MACF1: variants seen among roughly 807,000 people sequenced by gnomAD.
MACF1 encodes the protein microtubule-actin cross-linking factor 1.
In MACF1, 193 loss-of-function variants were observed where a neutral mutation model predicts 854.8. The ratio of observed to expected loss-of-function variants is 0.23; its 90% confidence interval spans 0.20 to 0.25. MACF1 has a LOEUF of 0.25. Ranked by LOEUF, MACF1 falls within the 10% of genes least tolerant of loss-of-function variation. MACF1 has a pLI of 1.00. For synonymous variants in MACF1, 3,185 were observed against 3,226.7 expected (o/e 0.99, Z 0.44); for missense variants, 7,722 against 8,929.1 (o/e 0.86, Z 5.45).
At position 39,332,439 on chromosome 1, in the gene MACF1, A is replaced by C; in HGVS notation, c.5851A>C (p.Ser1951Arg). ...AGCAGCAGTTCTACCGTGCAGCAAG[A>C]GCCACCCTAAGGCCACAGCAAGCCA... The part of the protein sequence containing the change: ...PGAAVLPCSK[S>R]HPKATASQSE... Residue 1951 changes from serine (S) to arginine (R), a missense_variant, in exon 37 of 101, where the codon AGC becomes CGC. Physicochemically the swap from Ser to Arg is moderately radical, Grantham distance 110. This residue lies in a region of MACF1 where 1,531 missense variants were observed against 1,601.6 expected (regional missense o/e 0.96). Transcript: ENST00000564288. The C allele has an allele frequency of 6.2e-7, 1 of 1,614,066 alleles. No homozygotes were observed. The highest frequency in any genetic ancestry group is 8.5e-7 in the Non-Finnish European group (1 of 1,180,016).
At chr1:39,197,471 A>G (rs1228418763) in intron 2 of MACF1, among the ~76,000 whole-genome samples, 2 of 152,156 alleles carry the variant, frequency 1.3e-5, no homozygotes, top group South Asian at 2.1e-4. Flanking sequence ...ATGGTATATG[A>G]TTTTCTAATT....
At chr1:39,096,810 G>T (rs1641949237) in intron 2 of MACF1, among the ~76,000 whole-genome samples, 1 of 150,904 alleles carries the variant, frequency 6.6e-6, no homozygotes, top group Non-Finnish European at 1.5e-5. Context: ...CTGCTTCAGA[G>T]TCCATGTCTG....
chr1:39,215,913 C>T (rs1644572476), intron 1 of MACF1, among the ~76,000 whole-genome samples: 1 of 152,120 alleles, frequency 6.6e-6, no homozygotes, highest in South Asian at 2.1e-4. Flanking sequence ...GAGAAAAAGA[C>T]TCAAAGATGA....
chr1:39,260,416 G>GTGCA (rs1219848102), intron 6 of MACF1: 2 of 150,534 alleles, frequency 1.3e-5, no homozygotes, highest in Non-Finnish European at 2.9e-5. Flanking sequence ...ACAGGCTGGA[G>GTGCA]TGCAATGGCA....
chr1:39,176,673 C>CAGGTTTTTAGATCAAT (rs57812750), intron 2 of MACF1, among the ~76,000 whole-genome samples: 1 of 152,128 alleles, frequency 6.6e-6, no homozygotes, highest in African/African-American at 2.4e-5. Context: ...GTTTAATAGT[C>CAGGTTTTTAGATCAAT]AGGTTTTTAG....
At chr1:39,252,026 A>C (rs1286852706) in intron 4 of MACF1, 85 bp downstream of exon 4, 4 of 884,420 alleles carry the variant, frequency 4.5e-6, no homozygotes, top group African/African-American at 3.5e-5. Context: ...CCAGGTCTCG[A>C]AGTAGTTCAG....
At chr1:39,298,386 G>A (rs564158104) in intron 21 of MACF1, among the ~76,000 whole-genome samples, 29 of 152,194 alleles carry the variant, frequency 1.9e-4, no homozygotes, top group African/African-American at 7.0e-4. Flanking sequence ...AGGAGTGCTG[G>A]TAATTAAATT....
chr1:39,445,048 T>G (rs1221341123), intron 80 of MACF1, among the ~76,000 whole-genome samples: 1 of 152,364 alleles, frequency 6.6e-6, no homozygotes, highest in East Asian at 1.9e-4. Flanking sequence ...AAGACATTAC[T>G]GCCATTATCG....
intron 97 of MACF1, 38 bp from the exon 98 acceptor site, chr1:39,479,757 TAGA>T (rs1644980946): frequency 1.3e-6 from 2 of 1,572,200 alleles, no homozygotes; most frequent in Non-Finnish European, 1.7e-6. Flanking sequence ...ATATATTTTT[TAGA>T]AGAACTGACA....
intron 61 of MACF1, 104 bp downstream of exon 61, chr1:39,424,298 G>A: frequency 1.1e-6 from 1 of 878,912 alleles, no homozygotes; most frequent in South Asian, 2.2e-5. Flanking sequence ...ATTTTTGGAA[G>A]GTGTTTAATG....
chr1:39,275,034 TC>T (rs1334830509), intron 6 of MACF1, among the ~76,000 whole-genome samples: 1 of 151,102 alleles, frequency 6.6e-6, no homozygotes, highest in African/African-American at 2.4e-5. Context: ...ATAAGAAGAC[TC>T]CTTTTTACTA....
rs1645640883 is a variant in MACF1, at chr1:39,286,335, G to A, written c.1508+577G>A. On this transcript the variant is annotated intron_variant, in intron 14 of 100. Transcript: ENST00000564288. ...GGCCCATTCTCATATATTTTAGAAC[G>A]ACCTGCAGGGTTGGGACACAACACA... Among the ~76,000 whole-genome samples, 4 of 152,094 alleles carry A rather than the reference G, an allele frequency of 2.6e-5. No homozygotes were observed. In the South Asian group the frequency reaches 8.3e-4, roughly 32 times the overall value.
intron 2 of MACF1, among the ~76,000 whole-genome samples, chr1:39,189,084 G>T (rs754006680): frequency 1.3e-5 from 2 of 152,166 alleles, no homozygotes; most frequent in Non-Finnish European, 2.9e-5. Context: ...GAGACACCTG[G>T]CTCCTGACCT....
intron 30 of MACF1, among the ~76,000 whole-genome samples, chr1:39,318,995 A>G (rs1306905904): frequency 6.8e-6 from 1 of 147,572 alleles, no homozygotes; most frequent in East Asian, 2.0e-4. Flanking sequence ...TATTTTAAGC[A>G]TTTTTTTTTT....
In MACF1 at chr1:39,433,151, T is replaced by C. The variant is rs1643902280; in HGVS notation, c.17561T>C (p.Leu5854Ser). The C allele has an allele frequency of 2.6e-6, 4 of 1,562,168 alleles. No homozygotes were observed. The highest frequency in any genetic ancestry group is 1.7e-5 in the Admixed American group (1 of 58,408). The change falls in exon 68 of 101, where the codon TTA becomes TCA. Residue 5854 changes from leucine (L) to serine (S), a missense_variant. Leu to Ser is a moderately radical substitution (Grantham distance 145, BLOSUM62 -2). Around this residue, in one of 15 missense-constraint regions of MACF1, gnomAD observed 2,807 missense variants for 3,235.8 expected, o/e 0.87. Coordinates refer to ENST00000564288, the MANE Select transcript of MACF1 (RefSeq NM_001394062.1). ...GTCGEEQKTV[L>S]QEKTESLIQQ... Reference sequence around the variant, plus strand: ...TGTGGGGAGGAGCAAAAAACTGTATTACAGGTGAATTACATTTATTTATTT... The same window carrying C: ...TGTGGGGAGGAGCAAAAAACTGTATCACAGGTGAATTACATTTATTTATTT...
rs748974673 is a variant in MACF1, at chr1:39,317,401, A to C, written c.3776A>C (p.Glu1259Ala). The C allele has an allele frequency of 3.7e-6, 6 of 1,612,296 alleles. No homozygotes were observed. The South Asian group carries it at 6.6e-5, about 18-fold the overall frequency. Residue 1259 changes from glutamate (E) to alanine (A), a missense_variant, in exon 29 of 101, where the codon GAG (glutamate) becomes GCG (alanine). Around this residue, in one of 15 missense-constraint regions of MACF1, gnomAD observed 1,137 missense variants for 1,263.0 expected, o/e 0.90. Transcript: ENST00000564288. ...ERWHRVIAQL[E>A]IRQSELESIQ... is the part of the protein sequence containing the mutation. Reference sequence around the variant, plus strand: ...TGGCACCGAGTCATTGCCCAGCTCGAGATTCGGTGAGTGGTGGCCCCACCT... The same window carrying C: ...TGGCACCGAGTCATTGCCCAGCTCGCGATTCGGTGAGTGGTGGCCCCACCT...
rs150224971 is a variant in MACF1 at position 39,296,771 on chromosome 1, GAAAAGAAAGAAAGAAAGA to G, written c.2356-846_2356-829del. ...GAAAGAAAGGAAGGAAGGAAGGAAG[GAAAAGAAAGAAAGAAAGA>G]AAGGAAGGAAGGAAAAGAAAGAAAG... is the stretch of plus-strand genomic sequence containing the variant. On this transcript the variant is annotated intron_variant, in intron 20 of 100. Coordinates refer to ENST00000564288, the MANE Select transcript of MACF1 (RefSeq NM_001394062.1). Among the ~76,000 whole-genome samples the G allele has an allele frequency of 4.1e-3, 379 of 92,186 alleles. 5 individuals are homozygous for G. The highest frequency in any genetic ancestry group is 0.011 in the Middle Eastern group (2 of 180). 60.5% of individuals were successfully genotyped at this position (92,186 alleles called of 152,430 possible).
chr1:39,429,382 C>A, intron 64 of MACF1, 56 bp downstream of exon 64: 1 of 1,010,112 alleles, frequency 9.9e-7, no homozygotes, highest in Non-Finnish European at 1.5e-6. Context: ...CAATTATGTA[C>A]CCAAGGAAAG....
chr1:39,190,401 G>GTTTTTTTTTTTTTTTTTTTTTT (rs71057198), intron 2 of MACF1, among the ~76,000 whole-genome samples: 1 of 105,970 alleles, frequency 9.4e-6, no homozygotes, highest in African/African-American at 3.8e-5. Flanking sequence ...GTTTGTTTTT[G>GTTTTTTTTTTTTTTTTTTTTTT]TTTTTTTTTT....
Sources: allele counts gnomAD v4.1 joint callset (sites outside exome capture counted in the v4.1 genomes callset), GRCh38; gene constraint gnomAD v4.1.1; regional missense constraint gnomAD v4.1.1; transcripts MANE v1.5; gene names NCBI Gene and HGNC (gene_info 2026-07-23, HGNC 2026-07-21).